Variants in RGS22 observed in about 807,000 individuals in gnomAD.
The protein encoded by RGS22 is regulator of G-protein signaling 22.
A neutral mutation model predicts 172.9 loss-of-function variants in RGS22; 148 were observed. The ratio of observed to expected loss-of-function variants is 0.86; its 90% CI spans 0.75 to 0.98. The LOEUF is 0.98. Ranked by LOEUF, RGS22 falls within the 50% of genes least tolerant of loss-of-function variation. The pLI is 0.00. For missense variants in RGS22, 1,347 were observed against 1,440.8 expected (o/e 0.93, Z 1.05); for synonymous variants, 458 against 480.2 (o/e 0.95, Z 0.60).
rs1345835855 is a variant in RGS22 at position 100,100,963 on chromosome 8, C to T, written c.54+4411G>A. ...CTGTGGGTTTTCTAAATCAGAAAACCTTCAACAAAATAGATCATTACACTA... is the reference window on the plus strand; with the variant it reads ...CTGTGGGTTTTCTAAATCAGAAAACTTTCAACAAAATAGATCATTACACTA... On this transcript the variant is annotated intron_variant, in intron 2 of 27. Coordinates refer to ENST00000360863, the MANE Select transcript of RGS22 (RefSeq NM_015668.5). Among the ~76,000 whole-genome samples, 4 of 151,994 alleles carry T rather than the reference C, an allele frequency of 2.6e-5. No homozygotes were observed. In the East Asian group the frequency reaches 7.7e-4, roughly 29 times the overall value.
chr8:100,008,652 A>C (rs1203135185), intron 14 of RGS22, 83 bp from the exon 15 acceptor site: 5 of 1,068,524 alleles, frequency 4.7e-6, no homozygotes, highest in Non-Finnish European at 6.7e-6. Flanking sequence ...GCATTTTTTA[A>C]AAACTAAGAG....
At chr8:99,981,515 T>C (rs911730747) in intron 22 of RGS22, among the ~76,000 whole-genome samples, 1 of 152,086 alleles carries the variant, frequency 6.6e-6, no homozygotes, top group Non-Finnish European at 1.5e-5. Context: ...AGCCAAAAGG[T>C]AATATTTAAT....
intron 14 of RGS22, among the ~76,000 whole-genome samples, chr8:100,034,129 A>G (rs1243348625): frequency 1.3e-5 from 2 of 152,224 alleles, no homozygotes; most frequent in African/African-American, 2.4e-5. Context: ...ATCGGGCAAG[A>G]GAAAGAAATA....
At chr8:100,005,159 T>C (rs1462828507) in intron 16 of RGS22, among the ~76,000 whole-genome samples, 2 of 152,048 alleles carry the variant, frequency 1.3e-5, no homozygotes, top group Non-Finnish European at 2.9e-5. Context: ...AAGCTAGTAG[T>C]AGTGTATCAA....
intron 4 of RGS22, among the ~76,000 whole-genome samples, chr8:100,075,078 G>A (rs369321139): frequency 1.4e-4 from 21 of 152,194 alleles, no homozygotes; most frequent in African/African-American, 4.8e-4. Flanking sequence ...CCGCATGCAG[G>A]TTTTTGTGTG....
chr8:100,067,012 T>C (rs1291114257), intron 6 of RGS22, among the ~76,000 whole-genome samples: 1 of 152,196 alleles, frequency 6.6e-6, no homozygotes, highest in Non-Finnish European at 1.5e-5. Context: ...AAGATTCCTC[T>C]GCCTGCCTCT....
intron 9 of RGS22, among the ~76,000 whole-genome samples, chr8:100,055,471 T>C (rs565643755): frequency 6.6e-6 from 1 of 152,258 alleles, no homozygotes; most frequent in African/African-American, 2.4e-5. Context: ...TATATCACAA[T>C]ACCCAAGTCC....
intron 14 of RGS22, among the ~76,000 whole-genome samples, chr8:100,018,762 T>C (rs1314077831): frequency 6.6e-6 from 1 of 152,216 alleles, no homozygotes; most frequent in Admixed American, 6.5e-5. Flanking sequence ...TCATGCAAGA[T>C]TTCCGCACCA....
At chr8:100,041,231 G>A (rs1280579095) in intron 12 of RGS22, among the ~76,000 whole-genome samples, 2 of 152,174 alleles carry the variant, frequency 1.3e-5, no homozygotes, top group Non-Finnish European at 2.9e-5. Flanking sequence ...GCTCATGCCT[G>A]TAATCCCAGC....
chr8:100,040,164 A>C, intron 12 of RGS22, 77 bp from the exon 13 acceptor site: 22 of 1,299,572 alleles, frequency 1.7e-5, no homozygotes, highest in Non-Finnish European at 2.4e-5. Context: ...ACAGGATTTC[A>C]TAAACTCTAC....
intron 17 of RGS22, 120 bp from the exon 18 acceptor site, chr8:100,002,484 A>G (rs908521886): frequency 5.7e-6 from 5 of 879,642 alleles, no homozygotes; most frequent in Non-Finnish European, 8.4e-6. Context: ...GTAGCATTAG[A>G]TCATGGAAAT....
At position 100,051,859 on chromosome 8, in the gene RGS22, ATAAATG is replaced by A. The variant is rs1473921530; in HGVS notation, c.1689+937_1689+942del. On this transcript the variant is annotated intron_variant, in intron 10 of 27. Transcript: ENST00000360863. The stretch of plus-strand genomic sequence containing the variant: ...TGTTTATATATTTATATATTTATAT[ATAAATG>A]TTTATATATTTATATATTTATATAT... 3.3e-4 allele frequency among the ~76,000 whole-genome samples: 21 copies of A among 64,088 alleles called. 8 individuals carry two copies. The highest frequency in any genetic ancestry group is 6.6e-4 in the Admixed American group (2 of 3,052). 42.0% of individuals were successfully genotyped at this position (64,088 alleles called of 152,430 possible).
chr8:100,105,297 AG>A (rs1221453475), intron 2 of RGS22, 76 bp downstream of exon 2: 1 of 1,155,404 alleles, frequency 8.7e-7, no homozygotes, highest in African/African-American at 1.5e-5. Context: ...GAAAACACAC[AG>A]CTTTCTTCTA....
chr8:100,062,814 A>T, intron 8 of RGS22, 62 bp from the exon 9 acceptor site: 1 of 1,255,174 alleles, frequency 8.0e-7, no homozygotes, highest in Non-Finnish European at 1.1e-6. Context: ...AACTACCAAA[A>T]TGTAGTTGAA....
intron 14 of RGS22, among the ~76,000 whole-genome samples, chr8:100,018,212 C>CAAAAAAAAAA (rs68011450): frequency 7.4e-6 from 1 of 134,902 alleles, no homozygotes; most frequent in Non-Finnish European, 1.6e-5. Flanking sequence ...GCATCTGTAT[C>CAAAAAAAAAA]AAAAAAAAAA....
chr8:100,064,046 G>C lies in RGS22; in HGVS notation c.725-3C>G. On this transcript the variant is annotated splice_polypyrimidine_tract_variant and splice_region_variant and intron_variant, in intron 7 of 27. Transcript: ENST00000360863. Reference sequence around the variant, plus strand: ...TCCATCATCAAAGATAAAATTCTCTGTATTAAGTCATAAAAAGCTATTAGA... The same window carrying C: ...TCCATCATCAAAGATAAAATTCTCTCTATTAAGTCATAAAAAGCTATTAGA... 1 of 1,490,544 alleles carries C rather than the reference G, an allele frequency of 6.7e-7. No individual in the cohort carries two copies. The highest frequency in any genetic ancestry group is 1.4e-5 in the African/African-American group (1 of 71,270). The allele number at this position is 1,490,544 out of a possible 1,614,324, so 92.3% of individuals were successfully genotyped here. A position where few individuals can be genotyped will look rare whatever the true frequency, so the allele number is the denominator to read the frequency against.
At chr8:99,964,724 T>C (rs1472445483) in intron 24 of RGS22, among the ~76,000 whole-genome samples, 3 of 152,186 alleles carry the variant, frequency 2.0e-5, no homozygotes, top group Non-Finnish European at 4.4e-5. Flanking sequence ...CTTAGCTGGG[T>C]AACTGAACTT....
chr8:100,077,133 T>G (rs1036625028), intron 4 of RGS22, among the ~76,000 whole-genome samples: 1 of 152,204 alleles, frequency 6.6e-6, no homozygotes, highest in Non-Finnish European at 1.5e-5. Context: ...ATATTGGGCA[T>G]GTATATCTTT....
chr8:99,994,521 C>A (rs1814136582), intron 20 of RGS22, among the ~76,000 whole-genome samples: 1 of 152,146 alleles, frequency 6.6e-6, no homozygotes, highest in South Asian at 2.1e-4. Flanking sequence ...ACAATTGCTA[C>A]ACAGAGAATA....
Sources: gnomAD v4.1 joint callset for allele counts (sites outside exome capture counted in the v4.1 genomes callset) on GRCh38, gnomAD v4.1.1 for gene constraint, MANE v1.5 for transcripts, NCBI Gene and HGNC (gene_info 2026-07-23, HGNC 2026-07-21) for gene names.